The following LTBP2 variants were observed in gnomAD, a reference collection of about 807,000 sequenced individuals.
LTBP2 encodes latent-transforming growth factor beta-binding protein 2.
Under a neutral mutation model 210.6 loss-of-function variants are expected in LTBP2, and 103 were observed. The observed-to-expected ratio is 0.49, with a 90% CI of 0.42 to 0.58. LTBP2 has a LOEUF of 0.58. Among genes scored for constraint, LTBP2 ranks in the 20% least tolerant of loss-of-function variants. The pLI is 0.00. For synonymous variants in LTBP2, 1,007 were observed against 1,015.0 expected (o/e 0.99, Z 0.15); for missense variants, 2,313 against 2,494.5 (o/e 0.93, Z 1.55).
At position 74,503,602 on chromosome 14, in the gene LTBP2, G is replaced by A. The variant is rs149717255; in HGVS notation, c.4587C>T (p.His1529=). 69 of 1,613,504 alleles carry A rather than the reference G, an allele frequency of 4.3e-5. No homozygotes were observed. The African/African-American group carries it at 5.1e-4, about 12-fold the overall frequency. The change falls in exon 32 of 36, where the codon CAC becomes CAT. Residue 1529 remains histidine, a synonymous_variant. Coordinates refer to ENST00000261978, the MANE Select transcript of LTBP2 (RefSeq NM_000428.3). ...CACAGGCCAGGTCCTGGCACTCATC[G>A]TGATCTGGGGAGGCAGGAAAGGGTG... The part of the protein sequence containing the change: ...YDASHKKCED[H]DECQDLACEN...
chr14:74,506,672 C>G (rs747785653), intron 27 of LTBP2, 26 bp downstream of exon 27: 1 of 1,611,986 alleles, frequency 6.2e-7, no homozygotes, highest in South Asian at 1.1e-5. Flanking sequence ...CTGGCCCAGA[C>G]CTTGGGTAGC....
In LTBP2 at chr14:74,605,662, G is replaced by A. The variant is rs534292843; in HGVS notation, c.495-1957C>T. ...GGGCCTGTGGGAACCCAGACAGCAC[G>A]GACGCAGGAGCCTGCCTGGCTGGGA... On this transcript the variant is annotated intron_variant, in intron 1 of 35. Coordinates refer to ENST00000261978, the MANE Select transcript of LTBP2 (RefSeq NM_000428.3). 2.0e-5 allele frequency among the ~76,000 whole-genome samples: 3 copies of A among 152,338 alleles called. No individual in the cohort carries two copies. In the South Asian group the frequency reaches 6.2e-4, roughly 32 times the overall value.
intron 2 of LTBP2, among the ~76,000 whole-genome samples, chr14:74,588,508 G>A (rs1015688605): frequency 6.6e-5 from 10 of 152,058 alleles, no homozygotes; most frequent in African/African-American, 2.4e-4. Flanking sequence ...GGTGTGAGCC[G>A]CCGCACGAGG....
intron 28 of LTBP2, among the ~76,000 whole-genome samples, chr14:74,505,838 G>A (rs937818004): frequency 1.1e-4 from 16 of 152,222 alleles, no homozygotes; most frequent in African/African-American, 2.9e-4. Flanking sequence ...CTCTAGGATC[G>A]TCGCCACCCT....
chr14:74,561,144 C>T (rs2087788408), intron 3 of LTBP2, among the ~76,000 whole-genome samples: 1 of 151,870 alleles, frequency 6.6e-6, no homozygotes, highest in South Asian at 2.1e-4. Flanking sequence ...CATGGTGAAA[C>T]CTGTCTCTAC....
rs2086928530 is a variant in LTBP2 at position 74,502,884 on chromosome 14, C to G, written c.4939G>C (p.Ala1647Pro). Residue 1647 changes from alanine to proline, a missense_variant, in exon 34 of 36, where the codon GCC becomes CCC. This residue lies in a region of LTBP2 where 443 missense variants were observed against 501.4 expected (regional missense o/e 0.88). Coordinates refer to ENST00000261978, the MANE Select transcript of LTBP2 (RefSeq NM_000428.3). Reference sequence around the variant, plus strand: ...TAGCCTGGCCGGAAGTGGACCCCGGCCTCCCGCTCTGCCTCAATGCGAGCC... The same window carrying G: ...TAGCCTGGCCGGAAGTGGACCCCGGGCTCCCGCTCTGCCTCAATGCGAGCC... Reference protein sequence around the residue: ...NVARIEAEREAGVHFRPGYEY... With the variant: ...NVARIEAEREPGVHFRPGYEY... The G allele has an allele frequency of 6.2e-7, 1 of 1,613,268 alleles. No individual in the cohort carries two copies. Among genetic ancestry groups the G allele is most frequent in the Non-Finnish European group, 8.5e-7 (1 of 1,180,022 alleles).
At chr14:74,503,704 G>A in intron 31 of LTBP2, 98 bp from the exon 32 acceptor site, 1 of 1,527,834 alleles carries the variant, frequency 6.5e-7, no homozygotes, top group South Asian at 1.2e-5. Flanking sequence ...TGAAGAGTTA[G>A]TGCCCTGCCT....
intron 10 of LTBP2, among the ~76,000 whole-genome samples, chr14:74,531,972 G>C (rs1257809474): frequency 1.3e-5 from 2 of 152,212 alleles, no homozygotes. Flanking sequence ...GGGGCCACAG[G>C]ATTGTGGAAA....
Position 74,532,521 on chromosome 14 carries a change from AG to A in LTBP2, c.1891del (p.Leu631CysfsTer8). ...ATTCACACACTCCGCGTCCTTGCAC[AG>A]GCCCAGGGTCAAGCACTCGTTGATA... ...QDINECLTLG[L>X]CKDAECVNTR... On this transcript the variant is annotated frameshift_variant, in exon 10 of 36. Coordinates refer to ENST00000261978, the MANE Select transcript of LTBP2 (RefSeq NM_000428.3). LOFTEE classifies it high-confidence loss of function. The A allele has an allele frequency of 6.2e-7, 1 of 1,614,176 alleles. No individual in the cohort carries two copies. The highest frequency in any genetic ancestry group is 8.5e-7 in the Non-Finnish European group (1 of 1,180,008).
In LTBP2 at chr14:74,606,098, TACCTCTC is replaced by T; in HGVS notation, c.495-2400_495-2394del. Among the ~76,000 whole-genome samples the T allele has an allele frequency of 2.0e-5, 3 of 152,276 alleles. No homozygotes were observed. The East Asian group carries it at 5.8e-4, about 29-fold the overall frequency. ...TCAATCACTCTGACTCCCTAGAAGG[TACCTCTC>T]AGAGATCATCTGAGTCCAGTCTTCC... is the stretch of plus-strand genomic sequence containing the variant. On this transcript the variant is annotated intron_variant, in intron 1 of 35. Transcript: ENST00000261978.
intron 8 of LTBP2, among the ~76,000 whole-genome samples, chr14:74,537,342 GAACT>G (rs2087434649): frequency 1.3e-5 from 2 of 152,216 alleles, no homozygotes; most frequent in African/African-American, 4.8e-5. Flanking sequence ...AACAAAAAGA[GAACT>G]CAGCTATAAG....
intron 22 of LTBP2, 31 bp from the exon 23 acceptor site, chr14:74,508,983 C>CG (rs1566615830): frequency 6.2e-7 from 1 of 1,611,394 alleles, no homozygotes; most frequent in Non-Finnish European, 8.5e-7. Context: ...GGAAGACAGC[C>CG]GATGGCAGCA....
intron 3 of LTBP2, among the ~76,000 whole-genome samples, chr14:74,557,214 T>C (rs921620515): frequency 6.6e-6 from 1 of 152,138 alleles, no homozygotes. Flanking sequence ...TGAGCTGAGA[T>C]CATGCCACTG....
chr14:74,588,984 A>T (rs2088246435), intron 2 of LTBP2, among the ~76,000 whole-genome samples: 1 of 152,100 alleles, frequency 6.6e-6, no homozygotes, highest in Non-Finnish European at 1.5e-5. Flanking sequence ...CCCAGAGCTG[A>T]TAAGGAAATA....
chr14:74,581,526 G>A (rs999074752), intron 3 of LTBP2, among the ~76,000 whole-genome samples: 4 of 152,178 alleles, frequency 2.6e-5, no homozygotes, highest in Admixed American at 6.5e-5. Flanking sequence ...GAAGATGGAG[G>A]AAGGTGGCCT....
intron 2 of LTBP2, among the ~76,000 whole-genome samples, chr14:74,593,055 A>C (rs1595297640): frequency 6.6e-6 from 1 of 152,232 alleles, no homozygotes; most frequent in Non-Finnish European, 1.5e-5. Context: ...AGAGGAAGAA[A>C]ACTCCTGAAA....
chr14:74,520,927 C>A (rs1458411546), intron 17 of LTBP2, among the ~76,000 whole-genome samples: 4 of 152,234 alleles, frequency 2.6e-5, no homozygotes, highest in Admixed American at 2.6e-4. Context: ...TCACCATTCA[C>A]ACCTCACTCA....
chr14:74,547,276 C>T (rs2087589610), intron 8 of LTBP2, among the ~76,000 whole-genome samples: 1 of 152,160 alleles, frequency 6.6e-6, no homozygotes, highest in African/African-American at 2.4e-5. Context: ...GACCCAAGGA[C>T]CCTGTGGGGC....
chr14:74,567,624 A>C (rs2087921382), intron 3 of LTBP2, among the ~76,000 whole-genome samples: 1 of 152,122 alleles, frequency 6.6e-6, no homozygotes, highest in Non-Finnish European at 1.5e-5. Context: ...TTCTGGGCCC[A>C]GCTGGACCAC....
Sources: allele counts gnomAD v4.1 joint callset (sites outside exome capture counted in the v4.1 genomes callset), GRCh38; gene constraint gnomAD v4.1.1; regional missense constraint gnomAD v4.1.1; transcripts MANE v1.5; gene names NCBI Gene and HGNC (gene_info 2026-07-23, HGNC 2026-07-21).